Variants in DOCK2 observed in about 807,000 individuals in gnomAD.
DOCK2 encodes the protein dedicator of cytokinesis 2.
DOCK2 carries 87 observed loss-of-function variants against 248.9 expected under a neutral mutation model. That is an observed-to-expected ratio of 0.35 (90% CI 0.29 to 0.42). The LOEUF (loss-of-function observed/expected upper bound fraction) is 0.42. DOCK2 is among the 10% of genes least tolerant of loss of function. The probability of loss-of-function intolerance (pLI) is 1.00; values close to 1 mark genes in which losing one functional copy is unlikely to be tolerated. For synonymous variants in DOCK2, 805 were observed against 821.6 expected, an observed-to-expected ratio of 0.98 and a Z score of 0.35; for missense variants, 1,747 against 2,300.2, an observed-to-expected ratio of 0.76 and a Z score of 4.92.
At chr5:169,721,541 A>G (rs1340992238) in intron 22 of DOCK2, among the ~76,000 whole-genome samples, 1 of 152,266 alleles carries the variant, frequency 6.6e-6, no homozygotes, top group African/African-American at 2.4e-5. Flanking sequence ...TGAGATGTCT[A>G]ACCCAGCTGT....
chr5:169,659,032 A>G (rs1464097273), intron 2 of DOCK2, among the ~76,000 whole-genome samples: 1 of 128,012 alleles, frequency 7.8e-6, no homozygotes, highest in African/African-American at 2.9e-5. Context: ...TATTATTATT[A>G]TTGAGATGGG....
chr5:169,835,260 GTTTTTTTTTT>G (rs547978458), intron 26 of DOCK2, among the ~76,000 whole-genome samples: 1 of 134,796 alleles, frequency 7.4e-6, no homozygotes, highest in Non-Finnish European at 1.6e-5. Flanking sequence ...GAAATGCCTG[GTTTTTTTTTT>G]TTTTTTTTTG....
chr5:169,651,174 A>G (rs948896350), intron 1 of DOCK2, among the ~76,000 whole-genome samples: 1 of 152,248 alleles, frequency 6.6e-6, no homozygotes, highest in Non-Finnish European at 1.5e-5. Context: ...AAGACTAAAC[A>G]GAATTGGGTA....
At chr5:169,660,414 A>G (rs1016120860) in intron 2 of DOCK2, among the ~76,000 whole-genome samples, 1 of 152,242 alleles carries the variant, frequency 6.6e-6, no homozygotes, top group Non-Finnish European at 1.5e-5. Flanking sequence ...CTTTGAAAAA[A>G]TAGCGCATTG....
At chr5:169,912,817 A>T (rs76018445) in intron 27 of DOCK2, among the ~76,000 whole-genome samples, 9 of 150,016 alleles carry the variant, frequency 6.0e-5, no homozygotes, top group Non-Finnish European at 1.3e-4. Context: ...GAGTGTTGAG[A>T]TTTTTTTTTT....
intron 27 of DOCK2, among the ~76,000 whole-genome samples, chr5:169,963,473 C>T (rs1446034521): frequency 6.6e-6 from 1 of 152,116 alleles, no homozygotes; most frequent in African/African-American, 2.4e-5. Flanking sequence ...GTCCTAGGCC[C>T]ATTGTGGTCA....
chr5:169,841,588 C>A (rs1769977611), intron 27 of DOCK2: 1 of 361,364 alleles, frequency 2.8e-6, no homozygotes. Flanking sequence ...GCCTGAAATG[C>A]CTTTGCCCCA....
At chr5:169,752,220 C>T (rs572525100) in intron 23 of DOCK2, among the ~76,000 whole-genome samples, 4 of 152,252 alleles carry the variant, frequency 2.6e-5, no homozygotes, top group African/African-American at 4.8e-5. Flanking sequence ...ACTCTCCTTA[C>T]GATCCATGGT....
At chr5:169,661,263 A>G (rs1372719400) in intron 2 of DOCK2, among the ~76,000 whole-genome samples, 1 of 152,184 alleles carries the variant, frequency 6.6e-6, no homozygotes, top group African/African-American at 2.4e-5. Flanking sequence ...TAAGTAGCAG[A>G]TCTCCAACAA....
intron 1 of DOCK2, among the ~76,000 whole-genome samples, chr5:169,645,241 C>A (rs769998282): frequency 2.4e-4 from 37 of 152,298 alleles, no homozygotes; most frequent in Middle Eastern, 3.4e-3. Flanking sequence ...AACTAATTTA[C>A]ATTCCCACCA....
intron 27 of DOCK2, among the ~76,000 whole-genome samples, chr5:169,885,995 C>A (rs572193680): frequency 1.3e-5 from 2 of 152,058 alleles, no homozygotes; most frequent in Admixed American, 6.5e-5. Flanking sequence ...CCAAAGTCTG[C>A]ATTCTTAACT....
At chr5:169,961,623 T>C (rs1777087706) in intron 27 of DOCK2, among the ~76,000 whole-genome samples, 1 of 152,086 alleles carries the variant, frequency 6.6e-6, no homozygotes, top group Non-Finnish European at 1.5e-5. Context: ...CTTGAATAAA[T>C]AAATATCTAA....
At chr5:170,019,224 G>A in intron 33 of DOCK2, 116 bp downstream of exon 33, 1 of 1,504,606 alleles carries the variant, frequency 6.6e-7, no homozygotes, top group East Asian at 2.3e-5. Flanking sequence ...CGGCAGGATA[G>A]GGACATTTAT....
At chr5:169,817,245 T>C (rs1268560973) in intron 26 of DOCK2, among the ~76,000 whole-genome samples, 1 of 152,262 alleles carries the variant, frequency 6.6e-6, no homozygotes, top group African/African-American at 2.4e-5. Flanking sequence ...CTTAATTATA[T>C]GCAGCTTGAC....
chr5:169,932,293 A>G (rs927348051), intron 27 of DOCK2, among the ~76,000 whole-genome samples: 1 of 152,202 alleles, frequency 6.6e-6, no homozygotes, highest in African/African-American at 2.4e-5. Flanking sequence ...ACACTCACTC[A>G]TATGAAGGGA....
intron 26 of DOCK2, among the ~76,000 whole-genome samples, chr5:169,806,451 T>C (rs1231070626): frequency 6.6e-6 from 1 of 151,932 alleles, no homozygotes; most frequent in Non-Finnish European, 1.5e-5. Flanking sequence ...TTTTTAAAAG[T>C]CAAACTAGCA....
At chr5:170,018,281 A>G (rs933829879) in intron 32 of DOCK2, among the ~76,000 whole-genome samples, 2 of 152,120 alleles carry the variant, frequency 1.3e-5, no homozygotes, top group Non-Finnish European at 2.9e-5. Context: ...GCAGACAGGG[A>G]AAAGTATTCT....
chr5:169,797,541 G>A (rs776884171), intron 25 of DOCK2, among the ~76,000 whole-genome samples: 11 of 152,168 alleles, frequency 7.2e-5, no homozygotes, highest in African/African-American at 9.7e-5. Context: ...CAGAAATACC[G>A]CATTTTCCTC....
At chr5:169,978,510 A>C (rs1777818972) in intron 27 of DOCK2, among the ~76,000 whole-genome samples, 1 of 151,744 alleles carries the variant, frequency 6.6e-6, no homozygotes, top group African/African-American at 2.4e-5. Flanking sequence ...ATGATGATGA[A>C]TTTTTTAATG....
Sources: allele counts gnomAD v4.1 joint callset (sites outside exome capture counted in the v4.1 genomes callset), GRCh38; gene constraint gnomAD v4.1.1; transcripts MANE v1.5; gene names NCBI Gene and HGNC (gene_info 2026-07-23, HGNC 2026-07-21).